Variants in ARPP21 observed in about 807,000 individuals in gnomAD.
ARPP21 encodes the protein cAMP-regulated phosphoprotein 21.
ARPP21 carries 69 observed loss-of-function variants against 113.2 expected under a neutral mutation model. The ratio of observed to expected loss-of-function variants is 0.61; its 90% CI spans 0.50 to 0.74. The LOEUF is 0.74. Ranked by LOEUF, ARPP21 falls within the 30% of genes least tolerant of loss-of-function variation. The probability of loss-of-function intolerance (pLI) is 0.00; values close to 1 mark genes in which losing one functional copy is unlikely to be tolerated. For synonymous variants in ARPP21, 368 were observed against 375.5 expected (o/e 0.98, Z 0.23); for missense variants, 1,070 against 1,037.4 (o/e 1.03, Z -0.43).
Position 35,760,271 on chromosome 3 carries a change from C to T in ARPP21, c.2137+16306C>T, listed in dbSNP as rs1387275187. 2.0e-5 allele frequency among the ~76,000 whole-genome samples: 3 copies of T among 152,066 alleles called. No individual in the cohort carries two copies. The East Asian group carries it at 5.8e-4, about 29-fold the overall frequency. ...AGCTCTCAGGATCCCAGGGAGCTGTCTTCCTGTCTCTGCTCACACTGGTGG... is the reference window on the plus strand; with the variant it reads ...AGCTCTCAGGATCCCAGGGAGCTGTTTTCCTGTCTCTGCTCACACTGGTGG... On this transcript the variant is annotated intron_variant, in intron 19 of 20. Transcript: ENST00000684406.
In ARPP21 at chr3:35,793,886, C is replaced by T; in HGVS notation, c.2472C>T (p.Val824=). The change falls in exon 21 of 21, where the codon GTC becomes GTT. Residue 824 remains valine (V), a synonymous_variant. Coordinates refer to ENST00000684406, the MANE Select transcript of ARPP21 (RefSeq NM_001385562.1). ...LIGPHCPSST[V]PVMSASCRTN... The stretch of plus-strand genomic sequence containing the variant: ...GCCCACACTGCCCCTCCAGCACTGT[C>T]CCAGTGATGTCAGCTAGCTGCAGAA... 1 of 1,613,990 alleles carries T rather than the reference C, an allele frequency of 6.2e-7. No individual in the cohort carries two copies. Among genetic ancestry groups the T allele is most frequent in the South Asian group, 1.1e-5 (1 of 91,088 alleles).
intron 5 of ARPP21, chr3:35,684,139 C>A: frequency 6.9e-7 from 1 of 1,453,610 alleles, no homozygotes; most frequent in Non-Finnish European, 9.1e-7. Flanking sequence ...AAGGCTGAAC[C>A]AAATATAATC....
chr3:35,707,671 G>T, intron 10 of ARPP21: 1 of 397,750 alleles, frequency 2.5e-6, no homozygotes, highest in South Asian at 1.8e-5. Flanking sequence ...TGCTTGTTTT[G>T]CATGAAGTGT....
chr3:35,772,552 AG>A (rs2096240324), intron 19 of ARPP21, among the ~76,000 whole-genome samples: 2 of 152,202 alleles, frequency 1.3e-5, no homozygotes, highest in Admixed American at 1.3e-4. Context: ...TTTAGCAGTC[AG>A]GTATGTTTTC....
chr3:35,685,135 A>G (rs1302897265), intron 5 of ARPP21: 2 of 985,490 alleles, frequency 2.0e-6, no homozygotes, highest in Non-Finnish European at 2.4e-6. Flanking sequence ...GCAGAGAAGG[A>G]CAGCCTTTAT....
intron 19 of ARPP21, among the ~76,000 whole-genome samples, chr3:35,791,422 G>A (rs937164845): frequency 6.6e-6 from 1 of 152,132 alleles, no homozygotes; most frequent in African/African-American, 2.4e-5. Flanking sequence ...AGCTCTGGAA[G>A]GAGCTTATTA....
chr3:35,649,270 C>T (rs1395317499), intron 1 of ARPP21, among the ~76,000 whole-genome samples: 1 of 151,978 alleles, frequency 6.6e-6, no homozygotes, highest in African/African-American at 2.4e-5. Context: ...AAAAACCTGC[C>T]CTTATATGTA....
chr3:35,720,101 T>A (rs1209916399), intron 13 of ARPP21, among the ~76,000 whole-genome samples: 1 of 152,222 alleles, frequency 6.6e-6, no homozygotes, highest in African/African-American at 2.4e-5. Flanking sequence ...CATCAAGTGG[T>A]TCTTATTTCT....
intron 1 of ARPP21, among the ~76,000 whole-genome samples, chr3:35,670,293 T>C (rs1053294887): frequency 6.6e-6 from 1 of 152,062 alleles, no homozygotes; most frequent in Admixed American, 6.6e-5. Context: ...ATCATGCAGA[T>C]GTTCACCTGA....
intron 19 of ARPP21, among the ~76,000 whole-genome samples, chr3:35,778,451 G>A (rs1421871249): frequency 2.6e-5 from 4 of 152,126 alleles, no homozygotes; most frequent in Non-Finnish European, 4.4e-5. Flanking sequence ...TTCACCTTGG[G>A]ATGCAGCTGG....
chr3:35,710,293 T>C (rs1453401678), intron 11 of ARPP21, among the ~76,000 whole-genome samples: 1 of 152,182 alleles, frequency 6.6e-6, no homozygotes, highest in Non-Finnish European at 1.5e-5. Flanking sequence ...CTTAGAATTT[T>C]ATTATGGTCA....
chr3:35,720,885 C>T (rs1398509212), intron 13 of ARPP21, among the ~76,000 whole-genome samples: 1 of 152,062 alleles, frequency 6.6e-6, no homozygotes. Context: ...TTTGTTATTT[C>T]CATTGTTCCC....
At chr3:35,658,502 C>T (rs181003845) in intron 1 of ARPP21, among the ~76,000 whole-genome samples, 20 of 152,008 alleles carry the variant, frequency 1.3e-4, no homozygotes, top group East Asian at 1.2e-3. Flanking sequence ...TTGTGATGAT[C>T]GTTATCCAGG....
At position 35,737,366 on chromosome 3, in the gene ARPP21, G is replaced by A. The variant is rs774655829; in HGVS notation, c.1644+4G>A. On this transcript the variant is annotated splice_donor_region_variant and intron_variant, in intron 16 of 20. Coordinates refer to ENST00000684406, the MANE Select transcript of ARPP21 (RefSeq NM_001385562.1). ...GGCAGGCCCTCTGGTCACTCAGGTA[G>A]GGGGCTGGTTGGAAGGCAGGGAAGG... 1.6e-5 allele frequency: 26 copies of A among 1,599,356 alleles called. No homozygotes were observed. The highest frequency in any genetic ancestry group is 3.3e-4 in the Middle Eastern group (2 of 6,018).
chr3:35,789,539 C>G (rs1283271122), intron 19 of ARPP21, among the ~76,000 whole-genome samples: 1 of 151,330 alleles, frequency 6.6e-6, no homozygotes, highest in African/African-American at 2.5e-5. Context: ...AGTATTCACT[C>G]CCCACATAAA....
At position 35,687,638 on chromosome 3, in the gene ARPP21, C is replaced by T. The variant is rs759255861; in HGVS notation, c.262-101C>T. ...CCATTTAGAAAAAAAAAATCTGCAC[C>T]TGGTTTTCATTTTTCTATACTTTAT... On this transcript the variant is annotated intron_variant, in intron 5 of 20. Coordinates refer to ENST00000684406, the MANE Select transcript of ARPP21 (RefSeq NM_001385562.1). 143 of 1,089,288 alleles carry T rather than the reference C, an allele frequency of 1.3e-4. 1 individual carries two copies. The highest frequency in any genetic ancestry group is 1.7e-4 in the Non-Finnish European group (134 of 766,574). The allele number at this position is 1,089,288 out of a possible 1,614,324, so 67.5% of individuals were successfully genotyped here. A position where few individuals can be genotyped will look rare whatever the true frequency, so the allele number is the denominator to read the frequency against.
intron 14 of ARPP21, among the ~76,000 whole-genome samples, chr3:35,728,522 CT>C (rs35476301): frequency 0.1 from 14,429 of 143,746 alleles, 895 homozygotes; most frequent in South Asian, 0.23. Flanking sequence ...CCAGCCCATC[CT>C]TTTTTTTTTT....
intron 9 of ARPP21, among the ~76,000 whole-genome samples, chr3:35,703,883 A>C (rs2087560211): frequency 6.6e-6 from 1 of 151,902 alleles, no homozygotes; most frequent in Non-Finnish European, 1.5e-5. Context: ...TGGTAAATTA[A>C]CTTTGAAAGG....
At chr3:35,742,606 G>T (rs2094740390) in intron 18 of ARPP21, among the ~76,000 whole-genome samples, 1 of 152,184 alleles carries the variant, frequency 6.6e-6, no homozygotes, top group South Asian at 2.1e-4. Context: ...AGAGCTACAG[G>T]TTCACACAGA....
Sources: gnomAD v4.1 joint callset for allele counts (sites outside exome capture counted in the v4.1 genomes callset) on GRCh38, gnomAD v4.1.1 for gene constraint, MANE v1.5 for transcripts, NCBI Gene and HGNC (gene_info 2026-07-23, HGNC 2026-07-21) for gene names.